The following ZFHX3 variants were observed in gnomAD, a reference collection of about 807,000 sequenced individuals.
ZFHX3 encodes the protein zinc finger homeobox 3.
In ZFHX3, 42 loss-of-function variants were observed where a neutral mutation model predicts 279.1. The observed-to-expected ratio is 0.15, with a 90% CI of 0.12 to 0.19. The LOEUF (loss-of-function observed/expected upper bound fraction) is 0.19, where lower values mean the gene tolerates loss of function less well. Among genes scored for constraint, ZFHX3 ranks in the 10% least tolerant of loss-of-function variants. ZFHX3 has a pLI of 1.00. For synonymous variants in ZFHX3, 2,293 were observed against 1,957.8 expected, an observed-to-expected ratio of 1.17 and a Z score of -4.52; for missense variants, 4,981 against 4,754.0, an observed-to-expected ratio of 1.05 and a Z score of -1.40.
At chr16:73,605,473 C>T (rs1053865417) in intron 2 of ZFHX3, among the ~76,000 whole-genome samples, 1 of 152,178 alleles carries the variant, frequency 6.6e-6, no homozygotes, top group Non-Finnish European at 1.5e-5. Context: ...CTAACCTTAG[C>T]CCCAAATTAA....
intron 2 of ZFHX3, among the ~76,000 whole-genome samples, chr16:73,467,446 A>G (rs1360023241): frequency 6.6e-6 from 1 of 152,178 alleles, no homozygotes; most frequent in Non-Finnish European, 1.5e-5. Flanking sequence ...AACAAAGAAG[A>G]AAGTGTAGAA....
intron 3 of ZFHX3, 131 bp from the exon 4 acceptor site, chr16:72,890,093 C>G: frequency 1.3e-6 from 1 of 771,890 alleles, no homozygotes; most frequent in South Asian, 1.8e-5. Flanking sequence ...CCAAACAGGA[C>G]AGTCTTTGAT....
At chr16:72,815,512 G>T (rs1187712818) in intron 5 of ZFHX3, among the ~76,000 whole-genome samples, 1 of 151,904 alleles carries the variant, frequency 6.6e-6, no homozygotes, top group African/African-American at 2.4e-5. Context: ...TCTTCTCTCT[G>T]AACAGCTTCA....
At chr16:73,459,512 G>A (rs963616230) in intron 2 of ZFHX3, among the ~76,000 whole-genome samples, 2 of 152,134 alleles carry the variant, frequency 1.3e-5, no homozygotes, top group Admixed American at 1.3e-4. Flanking sequence ...ACAGGCACAT[G>A]CCAACACACC....
chr16:72,835,385 G>T (rs944084782), intron 4 of ZFHX3, among the ~76,000 whole-genome samples: 1 of 151,918 alleles, frequency 6.6e-6, no homozygotes, highest in African/African-American at 2.4e-5. Flanking sequence ...AAAATGTATT[G>T]ATTTTTCATT....
At chr16:73,600,016 G>C (rs2052094829) in intron 2 of ZFHX3, among the ~76,000 whole-genome samples, 1 of 152,168 alleles carries the variant, frequency 6.6e-6, no homozygotes, top group African/African-American at 2.4e-5. Flanking sequence ...AGTTTGGGAG[G>C]GCTGGAGTTG....
chr16:72,832,198 G>A (rs758540095), intron 4 of ZFHX3, among the ~76,000 whole-genome samples: 1 of 152,172 alleles, frequency 6.6e-6, no homozygotes, highest in African/African-American at 2.4e-5. Flanking sequence ...AGCTATCACA[G>A]CAGAGCACTA....
At chr16:73,588,316 G>T (rs2051948756) in intron 2 of ZFHX3, among the ~76,000 whole-genome samples, 1 of 152,090 alleles carries the variant, frequency 6.6e-6, no homozygotes, top group South Asian at 2.1e-4. Flanking sequence ...ACATCTATCT[G>T]AGGAAAACAG....
chr16:73,694,577 C>T (rs973031477), intron 1 of ZFHX3, among the ~76,000 whole-genome samples: 2 of 152,028 alleles, frequency 1.3e-5, no homozygotes, highest in African/African-American at 2.4e-5. Context: ...CTCCCGACCT[C>T]GTGATCCATC....
chr16:73,337,005 A>G (rs558237349), intron 3 of ZFHX3, among the ~76,000 whole-genome samples: 2 of 152,264 alleles, frequency 1.3e-5, no homozygotes, highest in African/African-American at 4.8e-5. Context: ...TGGTCTGACC[A>G]CCACTTCTTA....
At chr16:73,214,843 CTTTTTT>C (rs386385051) in intron 5 of ZFHX3, among the ~76,000 whole-genome samples, 1 of 79,250 alleles carries the variant, frequency 1.3e-5, no homozygotes, top group African/African-American at 5.1e-5. Flanking sequence ...TGCTGAAGGC[CTTTTTT>C]TTTTTTTTTT....
chr16:72,947,205 G>A (rs1382147907), intron 3 of ZFHX3, among the ~76,000 whole-genome samples: 1 of 152,220 alleles, frequency 6.6e-6, no homozygotes, highest in Admixed American at 6.5e-5. Flanking sequence ...CTCGGGCCCT[G>A]CGGCATTCCC....
intron 1 of ZFHX3, among the ~76,000 whole-genome samples, chr16:73,725,499 G>T (rs2053510579): frequency 6.6e-6 from 1 of 151,700 alleles, no homozygotes; most frequent in East Asian, 2.0e-4. Context: ...AGAGACAGGG[G>T]TCTTATTGTC....
chr16:72,915,424 A>G (rs1263634103), intron 3 of ZFHX3, among the ~76,000 whole-genome samples: 4 of 152,060 alleles, frequency 2.6e-5, no homozygotes, highest in Admixed American at 2.6e-4. Context: ...CCTCTGCTCC[A>G]ACCTGTCCAC....
intron 5 of ZFHX3, among the ~76,000 whole-genome samples, chr16:73,176,531 G>T (rs1367823920): frequency 7.9e-5 from 12 of 151,750 alleles, no homozygotes; most frequent in Admixed American, 7.2e-4. Flanking sequence ...TGCTCTCTTA[G>T]CCAAGAATAC....
chr16:72,990,201 G>A (rs1352673343), intron 1 of ZFHX3, among the ~76,000 whole-genome samples: 1 of 152,156 alleles, frequency 6.6e-6, no homozygotes, highest in East Asian at 1.9e-4. Context: ...CCGATGGAGG[G>A]GAAACCAGTA....
At chr16:73,234,734 T>C (rs986138169) in intron 5 of ZFHX3, among the ~76,000 whole-genome samples, 3 of 152,208 alleles carry the variant, frequency 2.0e-5, no homozygotes, top group Non-Finnish European at 4.4e-5. Flanking sequence ...AAAAGAGAAG[T>C]GTTGTCTACC....
intron 1 of ZFHX3, among the ~76,000 whole-genome samples, chr16:73,822,193 C>T (rs917229061): frequency 6.6e-6 from 1 of 152,140 alleles, no homozygotes; most frequent in Admixed American, 6.5e-5. Flanking sequence ...GGCCTTCTGG[C>T]ATCTGTTTTC....
At chr16:73,164,573 G>A (rs1967313545) in intron 5 of ZFHX3, among the ~76,000 whole-genome samples, 1 of 152,116 alleles carries the variant, frequency 6.6e-6, no homozygotes, top group Non-Finnish European at 1.5e-5. Flanking sequence ...AGTGGCATAT[G>A]CCTGTAATCT....
Sources: allele counts gnomAD v4.1 joint callset (sites outside exome capture counted in the v4.1 genomes callset), GRCh38; gene constraint gnomAD v4.1.1; transcripts MANE v1.5; gene names NCBI Gene and HGNC (gene_info 2026-07-23, HGNC 2026-07-21).